The following IL16 variants were observed in gnomAD, a reference collection of about 807,000 sequenced individuals.
The protein encoded by IL16 is pro-interleukin-16.
IL16 carries 67 observed loss-of-function variants against 110.1 expected under a neutral mutation model. That is an observed-to-expected ratio of 0.61 (90% confidence interval 0.50 to 0.75). The LOEUF is 0.75. IL16 is among the 30% of genes least tolerant of loss of function. The probability of loss-of-function intolerance (pLI) is 0.00; values close to 1 mark genes in which losing one functional copy is unlikely to be tolerated. For missense variants in IL16, 1,545 were observed against 1,655.0 expected (o/e 0.93, Z 1.15); for synonymous variants, 689 against 662.9 (o/e 1.04, Z -0.61).
chr15:81,284,458 TG>T (rs929819264), intron 9 of IL16, among the ~76,000 whole-genome samples: 6 of 152,198 alleles, frequency 3.9e-5, no homozygotes, highest in African/African-American at 1.4e-4. Flanking sequence ...AGGTTCCATG[TG>T]GTTGTCTTGG....
chr15:81,227,640 G>A (rs1236781064), intron 2 of IL16, among the ~76,000 whole-genome samples: 3 of 152,200 alleles, frequency 2.0e-5, no homozygotes, highest in African/African-American at 7.2e-5. Context: ...TTCTACGAAG[G>A]ATGGGAAGCC....
intron 1 of IL16, among the ~76,000 whole-genome samples, chr15:81,221,111 T>C (rs1896601162): frequency 6.6e-6 from 1 of 152,048 alleles, no homozygotes. Context: ...CTGTGGAAGA[T>C]ATAACCAAAG....
At position 81,311,638 on chromosome 15, in the gene IL16, A is replaced by G. The variant is rs1900860162; in HGVS notation, c.*2840A>G. On this transcript the variant is annotated 3_prime_UTR_variant, in exon 19 of 19. Transcript: ENST00000683961. ...CATCTTGATAAGACCACCACCTCAG[A>G]GTATGGAGCTCAGAGAGGGCAGGCA... 1 of 152,212 alleles carries G rather than the reference A, an allele frequency of 6.6e-6. No individual in the cohort carries two copies. The highest frequency in any genetic ancestry group is 6.5e-5 in the Admixed American group (1 of 15,276). The allele number at this position is 152,212 out of a possible 1,614,324, so 9.4% of individuals were successfully genotyped here.
chr15:81,197,731 G>T (rs1160790887), intron 1 of IL16, among the ~76,000 whole-genome samples: 7 of 150,772 alleles, frequency 4.6e-5, no homozygotes, highest in African/African-American at 1.2e-4. Context: ...TTGTTTGTTT[G>T]TTTTTTTCTT....
chr15:81,284,572 C>T (rs1322335602), intron 9 of IL16, among the ~76,000 whole-genome samples: 1 of 152,158 alleles, frequency 6.6e-6, no homozygotes, highest in Non-Finnish European at 1.5e-5. Context: ...GCTATACAAC[C>T]ATGGCCTTCA....
chr15:81,251,069 A>G (rs924541471), intron 2 of IL16, among the ~76,000 whole-genome samples: 1 of 152,144 alleles, frequency 6.6e-6, no homozygotes, highest in African/African-American at 2.4e-5. Flanking sequence ...CAGAAAAACT[A>G]TGGTACAGCT....
intron 1 of IL16, among the ~76,000 whole-genome samples, chr15:81,205,307 A>G (rs1207424464): frequency 1.7e-5 from 1 of 60,406 alleles, no homozygotes; most frequent in Non-Finnish European, 2.5e-5. Flanking sequence ...CTCCATCTCA[A>G]AAAAAAAAAA....
chr15:81,269,730 G>A, intron 5 of IL16, 82 bp downstream of exon 5: 1 of 981,558 alleles, frequency 1.0e-6, no homozygotes, highest in Non-Finnish European at 1.6e-6. Flanking sequence ...GGAAGGATGG[G>A]AATAGGACTA....
intron 1 of IL16, among the ~76,000 whole-genome samples, chr15:81,183,916 A>G (rs781059042): frequency 6.6e-6 from 1 of 152,148 alleles, no homozygotes; most frequent in African/African-American, 2.4e-5. Context: ...AACTAAGATA[A>G]AGTGTGTGAA....
chr15:81,196,904 G>C lies in IL16; in HGVS notation c.-350G>C. 5 of 1,209,408 alleles carry C rather than the reference G, an allele frequency of 4.1e-6. No individual in the cohort carries two copies. The highest frequency in any genetic ancestry group is 5.2e-6 in the Non-Finnish European group (5 of 953,014). 74.9% of individuals were successfully genotyped at this position (1,209,408 alleles called of 1,614,324 possible). ...ACATTTGTCCTGAGTCACCTGTCCA[G>C]AGCAGGTGGTGAATATTGTGTCCTA... On this transcript the variant is annotated 5_prime_UTR_variant, in exon 1 of 19. Coordinates refer to ENST00000683961, the MANE Select transcript of IL16 (RefSeq NM_172217.5).
intron 11 of IL16, 172 bp from the exon 12 acceptor site, chr15:81,292,384 G>T: frequency 2.1e-6 from 2 of 936,214 alleles, no homozygotes; most frequent in Non-Finnish European, 3.4e-6. Flanking sequence ...AAGTCATACA[G>T]CTCGCCAGGG....
rs17875573 is a variant in IL16, at chr15:81,313,200, C to A, written c.*4402C>A. The A allele has an allele frequency of 2.0e-6, 3 of 1,466,252 alleles. No homozygotes were observed. Among genetic ancestry groups the A allele is most frequent in the African/African-American group, 1.4e-5 (1 of 69,056 alleles). 90.8% of individuals were successfully genotyped at this position (1,466,252 alleles called of 1,614,324 possible). On this transcript the variant is annotated 3_prime_UTR_variant, in exon 19 of 19. Transcript: ENST00000683961. ...GCTCCCAGGCTCCTTGGTGTCCCAA[C>A]AGCTGGAGCTCCTCGATGAGTCACG... is the stretch of plus-strand genomic sequence containing the variant.
intron 2 of IL16, among the ~76,000 whole-genome samples, chr15:81,244,057 C>T (rs954756876): frequency 2.6e-5 from 4 of 152,074 alleles, no homozygotes; most frequent in African/African-American, 4.8e-5. Flanking sequence ...AGACATAACT[C>T]ATTATAGTCT....
At position 81,273,261 on chromosome 15, in the gene IL16, A is replaced by T. The variant is rs1446577369; in HGVS notation, c.790+57A>T. 3 of 1,272,404 alleles carry T rather than the reference A, an allele frequency of 2.4e-6. No individual in the cohort carries two copies. In the East Asian group the frequency reaches 7.1e-5, roughly 30 times the overall value. The allele number at this position is 1,272,404 out of a possible 1,614,324, so 78.8% of individuals were successfully genotyped here. ...GGAGGAATCAGAAGCAGAATCCAGA[A>T]TTGCTGGGGCCATAGAAGATGTTGG... On this transcript the variant is annotated intron_variant, in intron 6 of 18. Coordinates refer to ENST00000683961, the MANE Select transcript of IL16 (RefSeq NM_172217.5).
chr15:81,196,373 C>A (rs147211805), upstream of IL16, among the ~76,000 whole-genome samples: 1 of 152,278 alleles, frequency 6.6e-6, no homozygotes, highest in African/African-American at 2.4e-5. Flanking sequence ...AGATTGATGG[C>A]AGGATTGTAT....
intron 4 of IL16, among the ~76,000 whole-genome samples, chr15:81,266,192 T>G (rs190186521): frequency 5.4e-4 from 83 of 152,330 alleles, no homozygotes; most frequent in Non-Finnish European, 1.1e-3. Context: ...TTTATGCACA[T>G]TCACACTGTT....
rs754312990 is a variant in IL16, at chr15:81,292,816, A to G, written c.1681A>G (p.Arg561Gly). The G allele has an allele frequency of 3.1e-6, 5 of 1,614,118 alleles. No homozygotes were observed. Among genetic ancestry groups the G allele is most frequent in the Non-Finnish European group, 3.4e-6 (4 of 1,180,022 alleles). The change falls in exon 12 of 19, where the codon AGG becomes GGG. Residue 561 changes from arginine to glycine, a missense_variant. Coordinates refer to ENST00000683961, the MANE Select transcript of IL16 (RefSeq NM_172217.5). ...EPVVLSIASS[R>G]LPQESPPLPE... Reference sequence around the variant, plus strand: ...AGTGGTGCTTTCTATAGCATCCTCCAGGCTGCCCCAGGAGAGCCCACCCCT... The same window carrying G: ...AGTGGTGCTTTCTATAGCATCCTCCGGGCTGCCCCAGGAGAGCCCACCCCT...
At position 81,256,332 on chromosome 15, in the gene IL16, CT is replaced by C. The variant is rs386383603; in HGVS notation, c.313-3421del. On this transcript the variant is annotated intron_variant, in intron 2 of 18. Transcript: ENST00000683961. Reference sequence around the variant, plus strand: ...TACCTATGTCACAACTCTTTACAAACTTTTTTTTTTTTTTTTTTTGAGACAG... The same window carrying C: ...TACCTATGTCACAACTCTTTACAAACTTTTTTTTTTTTTTTTTTGAGACAG... 2.6e-3 allele frequency among the ~76,000 whole-genome samples: 328 copies of C among 125,742 alleles called. 1 individual carries two copies. The highest frequency in any genetic ancestry group is 9.4e-3 in the East Asian group (44 of 4,692). The allele number at this position is 125,742 out of a possible 152,430, so 82.5% of individuals were successfully genotyped here.
At chr15:81,219,010 C>T (rs866951476) in intron 1 of IL16, among the ~76,000 whole-genome samples, 7 of 151,822 alleles carry the variant, frequency 4.6e-5, no homozygotes, top group African/African-American at 1.5e-4. Flanking sequence ...TTAGCCTTCA[C>T]GGTCGTTAGC....
Sources: gnomAD v4.1 joint callset for allele counts (sites outside exome capture counted in the v4.1 genomes callset) on GRCh38, gnomAD v4.1.1 for gene constraint, MANE v1.5 for transcripts, NCBI Gene and HGNC (gene_info 2026-07-23, HGNC 2026-07-21) for gene names.